Variants in LARGE1 observed in about 807,000 individuals in gnomAD.
LARGE1 encodes the protein LARGE xylosyl- and glucuronyltransferase 1.
A neutral mutation model predicts 87.6 loss-of-function variants in LARGE1; 43 were observed. That is an observed-to-expected ratio of 0.49 (90% confidence interval 0.38 to 0.63). LARGE1 has a LOEUF of 0.63. Ranked by LOEUF, LARGE1 falls within the 30% of genes least tolerant of loss-of-function variation. LARGE1 has a pLI of 0.00. For synonymous variants in LARGE1, 434 were observed against 394.6 expected (o/e 1.10, Z -1.18); for missense variants, 802 against 1,000.2 (o/e 0.80, Z 2.67).
At chr22:33,759,937 G>T (rs879375888) in intron 2 of LARGE1, among the ~76,000 whole-genome samples, 1 of 152,160 alleles carries the variant, frequency 6.6e-6, no homozygotes, top group Non-Finnish European at 1.5e-5. Context: ...AACAGGGACA[G>T]GGGTGTGTCA....
chr22:33,321,691 G>T (rs1936729346), intron 10 of LARGE1, among the ~76,000 whole-genome samples: 1 of 152,206 alleles, frequency 6.6e-6, no homozygotes, highest in Non-Finnish European at 1.5e-5. Flanking sequence ...AAATGTGTGT[G>T]GAGAAATGGG....
intron 12 of LARGE1, among the ~76,000 whole-genome samples, chr22:33,300,163 A>G (rs555022866): frequency 1.3e-5 from 2 of 152,304 alleles, no homozygotes; most frequent in African/African-American, 4.8e-5. Flanking sequence ...CCTTCGACAG[A>G]GTGAGCAGGC....
chr22:33,637,115 TTCCCTC>T lies in LARGE1; in HGVS notation c.409-10795_409-10790del, dbSNP rs2080290453. On this transcript the variant is annotated intron_variant, in intron 3 of 14. Coordinates refer to ENST00000397394, the MANE Select transcript of LARGE1 (RefSeq NM_133642.5). Reference sequence around the variant, plus strand: ...AAAGGAAGGTCTTCAAGGTGCCCAATTCCCTCTGTTCCATCAAATGCTGACACTGCC... The same window carrying T: ...AAAGGAAGGTCTTCAAGGTGCCCAATTGTTCCATCAAATGCTGACACTGCC... Among the ~76,000 whole-genome samples the T allele has an allele frequency of 2.0e-5, 3 of 152,208 alleles. No individual in the cohort carries two copies. In the South Asian group the frequency reaches 6.2e-4, roughly 32 times the overall value.
chr22:33,663,281 A>G (rs1443156202), intron 2 of LARGE1, among the ~76,000 whole-genome samples: 2 of 152,210 alleles, frequency 1.3e-5, no homozygotes, highest in Non-Finnish European at 2.9e-5. Context: ...TCTTGTGTTA[A>G]TACTTATTAA....
chr22:33,814,128 CTT>C (rs2086580549), intron 1 of LARGE1, among the ~76,000 whole-genome samples: 1 of 152,188 alleles, frequency 6.6e-6, no homozygotes, highest in Admixed American at 6.5e-5. Flanking sequence ...AGTATTCACT[CTT>C]GTTCGACCAT....
intron 6 of LARGE1, among the ~76,000 whole-genome samples, chr22:33,493,002 C>A (rs1484323408): frequency 6.6e-6 from 1 of 152,050 alleles, no homozygotes; most frequent in Non-Finnish European, 1.5e-5. Context: ...GAGAAATTAT[C>A]AGAGTATCCC....
At chr22:33,444,246 T>C (rs1477009178) in intron 6 of LARGE1, among the ~76,000 whole-genome samples, 1 of 152,258 alleles carries the variant, frequency 6.6e-6, no homozygotes, top group African/African-American at 2.4e-5. Flanking sequence ...GTAAAACTCA[T>C]CCTACTTCTA....
the LARGE1 span, among the ~76,000 whole-genome samples, chr22:33,122,754 G>C: frequency 1.3e-5 from 2 of 152,188 alleles, no homozygotes; most frequent in East Asian, 3.9e-4. Flanking sequence ...ACAAACTCCT[G>C]TACAAACTTC....
At chr22:33,343,111 G>A (rs1939341915) in intron 9 of LARGE1, among the ~76,000 whole-genome samples, 1 of 152,098 alleles carries the variant, frequency 6.6e-6, no homozygotes, top group Admixed American at 6.6e-5. Context: ...ACATTAGGCT[G>A]GTGTTTTTTG....
chr22:33,658,182 T>G (rs1258442615), intron 2 of LARGE1, among the ~76,000 whole-genome samples: 3 of 152,118 alleles, frequency 2.0e-5, no homozygotes, highest in Non-Finnish European at 4.4e-5. Context: ...GGGCTTCCAT[T>G]AAAAAACTTA....
chr22:33,769,863 T>G lies in LARGE1; in HGVS notation c.-82-8305A>C, dbSNP rs563095308. On this transcript the variant is annotated intron_variant, in intron 1 of 14. Transcript: ENST00000397394. Reference sequence around the variant, plus strand: ...TGGATCCTCCTGCCACTCTCTCTAATGAAGACCCCTGTTCCACTGTGGCTC... The same window carrying G: ...TGGATCCTCCTGCCACTCTCTCTAAGGAAGACCCCTGTTCCACTGTGGCTC... Among the ~76,000 whole-genome samples, 10 of 152,352 alleles carry G rather than the reference T, an allele frequency of 6.6e-5. No individual in the cohort carries two copies. In the South Asian group the frequency reaches 2.1e-3, roughly 32 times the overall value.
chr22:33,776,397 T>TA (rs2085238301), intron 1 of LARGE1, among the ~76,000 whole-genome samples: 1 of 152,166 alleles, frequency 6.6e-6, no homozygotes, highest in African/African-American at 2.4e-5. Context: ...CTTACAATAT[T>TA]AACCTCTTTC....
intron 4 of LARGE1, among the ~76,000 whole-genome samples, chr22:33,622,948 A>G (rs2079802089): frequency 6.6e-6 from 1 of 152,210 alleles, no homozygotes; most frequent in Admixed American, 6.5e-5. Flanking sequence ...TGTAGGAGTA[A>G]AAGTTTACAC....
intron 1 of LARGE1, among the ~76,000 whole-genome samples, chr22:33,917,673 C>T (rs1049072147): frequency 2.6e-5 from 4 of 152,144 alleles, no homozygotes; most frequent in Non-Finnish European, 4.4e-5. Context: ...TTTTTGTAGT[C>T]CTTAAATACT....
intron 1 of LARGE1, among the ~76,000 whole-genome samples, chr22:33,906,786 G>A (rs140161099): frequency 1.2e-4 from 19 of 152,192 alleles, no homozygotes; most frequent in South Asian, 4.1e-4. Context: ...GCTAAGAAGA[G>A]AAAGACTGGC....
intron 3 of LARGE1, among the ~76,000 whole-genome samples, chr22:33,638,615 G>C (rs757193637): frequency 6.6e-6 from 1 of 152,220 alleles, no homozygotes; most frequent in Non-Finnish European, 1.5e-5. Flanking sequence ...ACAGGTTCTA[G>C]AATCAAACTG....
At chr22:33,912,866 T>A (rs2065678006) in intron 1 of LARGE1, among the ~76,000 whole-genome samples, 1 of 150,248 alleles carries the variant, frequency 6.7e-6, no homozygotes, top group African/African-American at 2.4e-5. Context: ...GAAGTCTCAC[T>A]GTTTCCAGGC....
intron 2 of LARGE1, among the ~76,000 whole-genome samples, chr22:33,726,963 T>C (rs1019482716): frequency 1.3e-5 from 2 of 152,250 alleles, no homozygotes; most frequent in East Asian, 3.9e-4. Flanking sequence ...CAAGGCAATA[T>C]GGATGAGAGA....
intron 1 of LARGE1, among the ~76,000 whole-genome samples, chr22:33,814,843 G>C (rs1468215296): frequency 6.6e-6 from 1 of 152,074 alleles, no homozygotes; most frequent in African/African-American, 2.4e-5. Context: ...CAGGCTATTT[G>C]ATACTCACAA....
Sources: allele counts gnomAD v4.1 joint callset (sites outside exome capture counted in the v4.1 genomes callset), GRCh38; gene constraint gnomAD v4.1.1; transcripts MANE v1.5; gene names NCBI Gene and HGNC (gene_info 2026-07-23, HGNC 2026-07-21).